FAM168B: variants seen among roughly 807,000 people sequenced by gnomAD.
The protein encoded by FAM168B is family with sequence similarity 168 member B.
In FAM168B, 19 loss-of-function variants were observed where a neutral mutation model predicts 21.8. That is an observed-to-expected ratio of 0.87 (90% CI 0.61 to 1.28). FAM168B has a LOEUF of 1.28. Among genes scored for constraint, FAM168B ranks in the 50% most tolerant of loss-of-function variants. FAM168B has a pLI of 0.00. For missense variants in FAM168B, 233 were observed against 263.1 expected, an observed-to-expected ratio of 0.89 and a Z score of 0.79; for synonymous variants, 126 against 104.8, an observed-to-expected ratio of 1.20 and a Z score of -1.24.
rs1691772660 is a variant in FAM168B, at chr2:131,052,931, G to C, written c.560C>G (p.Thr187Ser). 5 of 1,563,286 alleles carry C rather than the reference G, an allele frequency of 3.2e-6. No homozygotes were observed. The highest frequency in any genetic ancestry group is 3.5e-6 in the Non-Finnish European group (4 of 1,152,864). Reference protein sequence around the residue: ...VPTYRAPGTPTYSYVPPQW With the variant: ...VPTYRAPGTPSYSYVPPQW ...CCACTGAGGGGGCACATAGCTGTAA[G>C]TGGGCGTTCCTGGGGCCCGGTACGT... Residue 187 changes from threonine to serine, a missense_variant, in exon 6 of 7, where the codon ACT becomes AGT. Coordinates refer to ENST00000389915, the MANE Select transcript of FAM168B (RefSeq NM_001009993.4).
chr2:131,051,998 ATGAAGAAATTCACT>A lies in FAM168B; in HGVS notation c.*453_*466del. The A allele has an allele frequency of 1.0e-6, 1 of 985,650 alleles. No individual in the cohort carries two copies. Among genetic ancestry groups the A allele is most frequent in the Non-Finnish European group, 1.2e-6 (1 of 829,918 alleles). The allele number at this position is 985,650 out of a possible 1,614,324, so 61.1% of individuals were successfully genotyped here. A position where few individuals can be genotyped will look rare whatever the true frequency, so the allele number is the denominator to read the frequency against. On this transcript the variant is annotated 3_prime_UTR_variant, in exon 7 of 7. Transcript: ENST00000389915. The stretch of plus-strand genomic sequence containing the variant: ...TCATCTAAGATATTTCAGATGCTCT[ATGAAGAAATTCACT>A]TTAACACTTATAACTGTAAGACTTT...
intron 5 of FAM168B, 82 bp downstream of exon 5, chr2:131,055,190 A>G: frequency 7.7e-7 from 1 of 1,305,802 alleles, no homozygotes; most frequent in Non-Finnish European, 1.0e-6. Flanking sequence ...CCTAGAGCCA[A>G]GGGTCAGAGG....
chr2:131,091,943 C>A (rs1694053395), intron 1 of FAM168B, among the ~76,000 whole-genome samples: 1 of 148,964 alleles, frequency 6.7e-6, no homozygotes, highest in South Asian at 2.1e-4. Context: ...TCCTGGCTAA[C>A]ACGGTGAAAC....
At chr2:131,090,226 G>A (rs1401973564) in intron 1 of FAM168B, among the ~76,000 whole-genome samples, 4 of 150,346 alleles carry the variant, frequency 2.7e-5, no homozygotes, top group East Asian at 1.9e-4. Flanking sequence ...GGCTGAGGCT[G>A]GAGAATGGCG....
intron 1 of FAM168B, among the ~76,000 whole-genome samples, chr2:131,090,043 G>A (rs1190453638): frequency 2.8e-5 from 4 of 145,300 alleles, no homozygotes; most frequent in African/African-American, 7.7e-5. Flanking sequence ...AAAAGAGGCC[G>A]GCGCAGTGGC....
chr2:131,058,128 A>T (rs544426715), intron 3 of FAM168B, among the ~76,000 whole-genome samples: 1 of 152,164 alleles, frequency 6.6e-6, no homozygotes, highest in Admixed American at 6.6e-5. Context: ...CTGTATATAT[A>T]TATGTGCCTG....
chr2:131,052,957 G>T lies in FAM168B; in HGVS notation c.534C>A (p.Pro178=), dbSNP rs1245875495. ...TGGGCGTTCCTGGGGCCCGGTACGT[G>T]GGCACAGTGACCGGGTGGGGGGCGA... The part of the protein sequence containing the change: ...TPVAPHPVTV[P]TYRAPGTPTY... The change falls in exon 6 of 7, where the codon CCC becomes CCA. Residue 178 remains proline (P), a synonymous_variant. Transcript: ENST00000389915. The T allele has an allele frequency of 6.4e-7, 1 of 1,563,382 alleles. No individual in the cohort carries two copies. Among genetic ancestry groups the T allele is most frequent in the Non-Finnish European group, 8.7e-7 (1 of 1,153,382 alleles).
chr2:131,070,400 G>A (rs1692814403), intron 3 of FAM168B, among the ~76,000 whole-genome samples: 1 of 152,216 alleles, frequency 6.6e-6, no homozygotes, highest in Admixed American at 6.5e-5. Context: ...ACCACACCAA[G>A]TGTTGTTAAG....
chr2:131,052,410 G>GTATT lies in FAM168B; in HGVS notation c.*54_*55insAATA, dbSNP rs1691732775. 1 of 987,798 alleles carries GTATT rather than the reference G, an allele frequency of 1.0e-6. No homozygotes were observed. The highest frequency in any genetic ancestry group is 1.7e-5 in the African/African-American group (1 of 57,256). 61.2% of individuals were successfully genotyped at this position (987,798 alleles called of 1,614,324 possible). A position where few individuals can be genotyped will look rare whatever the true frequency, so the allele number is the denominator to read the frequency against. On this transcript the variant is annotated 3_prime_UTR_variant, in exon 7 of 7. Coordinates refer to ENST00000389915, the MANE Select transcript of FAM168B (RefSeq NM_001009993.4). ...AGGCGCAAGGCCTGCAGCACCAGCT[G>GTATT]TGGAATCCCCAATAATGTGACTGCA...
rs1284212153 is a variant in FAM168B, at chr2:131,051,911, T to G, written c.*554A>C. 1.0e-6 allele frequency: 1 copy of G among 985,330 alleles called. No homozygotes were observed. Among genetic ancestry groups the G allele is most frequent in the Non-Finnish European group, 1.2e-6 (1 of 829,936 alleles). 61.0% of individuals were successfully genotyped at this position (985,330 alleles called of 1,614,324 possible). A position where few individuals can be genotyped will look rare whatever the true frequency, so the allele number is the denominator to read the frequency against. On this transcript the variant is annotated 3_prime_UTR_variant, in exon 7 of 7. Transcript: ENST00000389915. ...AGTCAGTGCCAAAGAAACAGGTCGCTGAAAACTAAAATGTCCACATCCCTA... is the reference window on the plus strand; with the variant it reads ...AGTCAGTGCCAAAGAAACAGGTCGCGGAAAACTAAAATGTCCACATCCCTA...
intron 1 of FAM168B, among the ~76,000 whole-genome samples, chr2:131,088,798 T>C (rs1693848918): frequency 6.6e-6 from 1 of 152,210 alleles, no homozygotes; most frequent in South Asian, 2.1e-4. Flanking sequence ...TGCACTGTAC[T>C]GCCGCATTTT....
chr2:131,068,117 G>C (rs1452898877), intron 3 of FAM168B, among the ~76,000 whole-genome samples: 1 of 152,196 alleles, frequency 6.6e-6, no homozygotes, highest in Non-Finnish European at 1.5e-5. Flanking sequence ...TCCAGACTCA[G>C]GTTAGATGGA....
In FAM168B at chr2:131,048,663, T is replaced by G; in HGVS notation, c.*3802A>C. The G allele has an allele frequency of 1.0e-6, 1 of 1,003,820 alleles. No homozygotes were observed. The highest frequency in any genetic ancestry group is 1.2e-6 in the Non-Finnish European group (1 of 840,722). 62.2% of individuals were successfully genotyped at this position (1,003,820 alleles called of 1,614,324 possible). ...TACTGATAAAGCATGTCCTCTGCAGTATACTCAAGAGTCTGCTGCCCTTCA... is the reference window on the plus strand; with the variant it reads ...TACTGATAAAGCATGTCCTCTGCAGGATACTCAAGAGTCTGCTGCCCTTCA... On this transcript the variant is annotated 3_prime_UTR_variant, in exon 7 of 7. Coordinates refer to ENST00000389915, the MANE Select transcript of FAM168B (RefSeq NM_001009993.4).
At chr2:131,068,886 T>C (rs146057714) in intron 3 of FAM168B, among the ~76,000 whole-genome samples, 3,701 of 152,180 alleles carry the variant, frequency 0.024, 163 homozygotes, top group African/African-American at 0.084. Flanking sequence ...TGTGGTGGTG[T>C]GCACCTGTAA....
chr2:131,064,303 C>A (rs1391967067), intron 3 of FAM168B, among the ~76,000 whole-genome samples: 1 of 151,710 alleles, frequency 6.6e-6, no homozygotes, highest in South Asian at 2.1e-4. Context: ...TAAAAAAAGA[C>A]ATTTATTTAG....
At chr2:131,090,151 CA>C (rs59428455) in intron 1 of FAM168B, among the ~76,000 whole-genome samples, 17 of 119,122 alleles carry the variant, frequency 1.4e-4, no homozygotes, top group African/African-American at 2.0e-4. Context: ...ACCAAAAATA[CA>C]AAAAAAAAAA....
intron 1 of FAM168B, among the ~76,000 whole-genome samples, chr2:131,090,940 C>T (rs900991177): frequency 6.6e-6 from 1 of 152,166 alleles, no homozygotes; most frequent in Non-Finnish European, 1.5e-5. Flanking sequence ...CCATGTTATC[C>T]AGGATGGTTT....
intron 2 of FAM168B, among the ~76,000 whole-genome samples, chr2:131,078,444 T>C (rs1258186494): frequency 6.6e-6 from 1 of 152,086 alleles, no homozygotes; most frequent in Non-Finnish European, 1.5e-5. Flanking sequence ...AAGGACAGAC[T>C]GAAATGGTCT....
chr2:131,090,319 C>CA (rs1179969129), intron 1 of FAM168B, among the ~76,000 whole-genome samples: 4,132 of 74,798 alleles, frequency 0.055, 172 homozygotes, highest in African/African-American at 0.13. Context: ...ACTCTTGTCT[C>CA]AAAAAAAAAA....
Sources: gnomAD v4.1 joint callset for allele counts (sites outside exome capture counted in the v4.1 genomes callset) on GRCh38, gnomAD v4.1.1 for gene constraint, MANE v1.5 for transcripts, NCBI Gene and HGNC (gene_info 2026-07-23, HGNC 2026-07-21) for gene names.